GALK2: variants seen among roughly 807,000 people sequenced by gnomAD.
GALK2 encodes N-acetylgalactosamine kinase.
GALK2 carries 36 observed loss-of-function variants against 52.4 expected under a neutral mutation model. That is an observed-to-expected ratio of 0.69 (90% confidence interval 0.53 to 0.91). GALK2 has a LOEUF of 0.91. GALK2 is among the 40% of genes least tolerant of loss of function. The pLI, the probability that GALK2 is intolerant of heterozygous loss-of-function variation, is 0.00. For synonymous variants in GALK2, 176 were observed against 199.1 expected, an observed-to-expected ratio of 0.88 and a Z score of 0.98; for missense variants, 579 against 559.1, an observed-to-expected ratio of 1.04 and a Z score of -0.36.
At chr15:49,258,582 A>G (rs2091916549) in intron 5 of GALK2, among the ~76,000 whole-genome samples, 1 of 152,038 alleles carries the variant, frequency 6.6e-6, no homozygotes, top group African/African-American at 2.4e-5. Context: ...CCACTGTGCT[A>G]TACACCCACA....
At chr15:49,175,881 C>T (rs1191256927) in intron 1 of GALK2, among the ~76,000 whole-genome samples, 2 of 152,138 alleles carry the variant, frequency 1.3e-5, no homozygotes, top group Non-Finnish European at 1.5e-5. Flanking sequence ...ATGCATCCCC[C>T]AGTCAAGTAC....
At chr15:49,249,916 C>G (rs1197534709) in intron 5 of GALK2, among the ~76,000 whole-genome samples, 1 of 152,168 alleles carries the variant, frequency 6.6e-6, no homozygotes, top group Non-Finnish European at 1.5e-5. Flanking sequence ...GTTACTTCCT[C>G]CTTCCTTTGT....
chr15:49,208,179 C>A (rs1369121254), intron 2 of GALK2, among the ~76,000 whole-genome samples: 1 of 151,928 alleles, frequency 6.6e-6, no homozygotes, highest in Non-Finnish European at 1.5e-5. Flanking sequence ...TGGTTATTTC[C>A]TTTCTTCTGC....
intron 1 of GALK2, among the ~76,000 whole-genome samples, chr15:49,190,209 C>A (rs1053697699): frequency 6.6e-6 from 1 of 152,170 alleles, no homozygotes; most frequent in Non-Finnish European, 1.5e-5. Context: ...TATGTGAGTT[C>A]TGAGGCTTTC....
intron 3 of GALK2, among the ~76,000 whole-genome samples, chr15:49,361,243 T>A (rs900059458): frequency 2.6e-5 from 4 of 151,644 alleles, no homozygotes; most frequent in Non-Finnish European, 5.9e-5. Context: ...ATGATGCAAA[T>A]TTTTTTTTAA....
chr15:49,275,601 C>T (rs1331677960), intron 5 of GALK2, among the ~76,000 whole-genome samples: 1 of 152,196 alleles, frequency 6.6e-6, no homozygotes, highest in Non-Finnish European at 1.5e-5. Context: ...TTCCCATAGG[C>T]ATGGTTAACT....
chr15:49,175,913 A>G (rs985127324), intron 1 of GALK2, among the ~76,000 whole-genome samples: 21 of 152,108 alleles, frequency 1.4e-4, no homozygotes, highest in African/African-American at 4.8e-4. Context: ...TCAATCGATC[A>G]TGACCCTCTC....
chr15:49,335,497 G>C, downstream of GALK2: 3 of 1,610,208 alleles, frequency 1.9e-6, no homozygotes, highest in Non-Finnish European at 1.7e-6. Flanking sequence ...AGCAGGTAGT[G>C]TGCTAGGCTT....
intron 5 of GALK2, among the ~76,000 whole-genome samples, chr15:49,259,665 G>T (rs1400246600): frequency 2.1e-5 from 3 of 144,302 alleles, no homozygotes; most frequent in Admixed American, 7.0e-5. Context: ...TGCCATGCTG[G>T]TGCGCTGCAC....
At chr15:49,268,571 G>C (rs2029872015) in intron 5 of GALK2, among the ~76,000 whole-genome samples, 1 of 152,210 alleles carries the variant, frequency 6.6e-6, no homozygotes, top group Admixed American at 6.5e-5. Context: ...GTAATGTAAG[G>C]ACAGTGGCTG....
At chr15:49,221,904 T>C (rs1396941488) in intron 3 of GALK2, among the ~76,000 whole-genome samples, 1 of 152,120 alleles carries the variant, frequency 6.6e-6, no homozygotes, top group Admixed American at 6.5e-5. Context: ...TTTTTGGTTT[T>C]ATACATATTT....
chr15:49,165,648 AATG>A (rs1269767285), upstream of GALK2, among the ~76,000 whole-genome samples: 1 of 152,104 alleles, frequency 6.6e-6, no homozygotes, highest in African/African-American at 2.4e-5. Flanking sequence ...TTATATTTAA[AATG>A]ATATTTTGGT....
intron 5 of GALK2, among the ~76,000 whole-genome samples, chr15:49,255,090 C>T (rs2141589532): frequency 7.0e-6 from 1 of 143,290 alleles, no homozygotes. Flanking sequence ...CTTTAATATG[C>T]CACACTATAT....
chr15:49,198,317 A>G (rs971624325), intron 1 of GALK2, among the ~76,000 whole-genome samples: 5 of 152,322 alleles, frequency 3.3e-5, no homozygotes, highest in African/African-American at 1.2e-4. Flanking sequence ...ACAGACTGGA[A>G]ATGATATTGA....
chr15:49,295,034 A>G (rs2034334441), intron 8 of GALK2, among the ~76,000 whole-genome samples: 1 of 152,206 alleles, frequency 6.6e-6, no homozygotes, highest in African/African-American at 2.4e-5. Flanking sequence ...TCTATACTCT[A>G]TACTGAATGA....
intron 4 of GALK2, 145 bp downstream of exon 4, chr15:49,236,086 G>T: frequency 1.6e-6 from 1 of 627,130 alleles, no homozygotes; most frequent in East Asian, 2.7e-5. Context: ...GTTTCAGAGA[G>T]TGGGGAAGAT....
At chr15:49,199,415 A>C (rs1007760056) in intron 1 of GALK2, among the ~76,000 whole-genome samples, 1 of 152,168 alleles carries the variant, frequency 6.6e-6, no homozygotes, top group African/African-American at 2.4e-5. Flanking sequence ...AGGCAGCCGC[A>C]TCTACCAGGT....
chr15:49,240,446 T>G (rs1159961187), intron 5 of GALK2, among the ~76,000 whole-genome samples: 1 of 152,210 alleles, frequency 6.6e-6, no homozygotes, highest in East Asian at 1.9e-4. Flanking sequence ...CAACTTTCAC[T>G]ATGCTTATAG....
Position 49,328,461 on chromosome 15 carries a change from A to G in GALK2, c.*302A>G. On this transcript the variant is annotated 3_prime_UTR_variant, in exon 10 of 10. Coordinates refer to ENST00000560031, the MANE Select transcript of GALK2 (RefSeq NM_002044.4). ...AAGATGAATGGTAAAACACACTCTT[A>G]ATACTGATTACATGGATTGGACTTG... is the stretch of plus-strand genomic sequence containing the variant. 3.3e-6 allele frequency: 5 copies of G among 1,513,834 alleles called. No individual in the cohort carries two copies. Among genetic ancestry groups the G allele is most frequent in the Non-Finnish European group, 3.5e-6 (4 of 1,131,450 alleles). The allele number at this position is 1,513,834 out of a possible 1,614,324, so 93.8% of individuals were successfully genotyped here. A position where few individuals can be genotyped will look rare whatever the true frequency, so the allele number is the denominator to read the frequency against.
Sources: gnomAD v4.1 joint callset for allele counts (sites outside exome capture counted in the v4.1 genomes callset) on GRCh38, gnomAD v4.1.1 for gene constraint, MANE v1.5 for transcripts, NCBI Gene and HGNC (gene_info 2026-07-23, HGNC 2026-07-21) for gene names.